LAMA3: variants seen among roughly 807,000 people sequenced by gnomAD.
LAMA3 encodes the protein laminin subunit alpha 3.
A neutral mutation model predicts 402.0 loss-of-function variants in LAMA3; 281 were observed. The ratio of observed to expected loss-of-function variants is 0.70; its 90% CI spans 0.63 to 0.77. LAMA3 has a LOEUF of 0.77. Among genes scored for constraint, LAMA3 ranks in the 30% least tolerant of loss-of-function variants. LAMA3 has a pLI of 0.00. For synonymous variants in LAMA3, 1,431 were observed against 1,558.4 expected, an observed-to-expected ratio of 0.92 and a Z score of 1.93; for missense variants, 3,840 against 4,215.5, an observed-to-expected ratio of 0.91 and a Z score of 2.47.
chr18:23,826,726 G>GACTA lies in LAMA3; in HGVS notation c.2597_2600dup (p.Tyr867Ter), dbSNP rs1568226128. On this transcript the variant is annotated stop_gained and frameshift_variant, in exon 22 of 75. Transcript: ENST00000313654. LOFTEE classifies it high-confidence loss of function. Reference sequence around the variant, plus strand: ...GGATTACCTGGTGCTGCTCCCCAGGGACTACTATGAAGCCTCTGTACTGCA... The same window carrying GACTA: ...GGATTACCTGGTGCTGCTCCCCAGGGACTAACTACTATGAAGCCTCTGTACTGCA... 6.4e-7 allele frequency: 1 copy of GACTA among 1,562,726 alleles called. No individual in the cohort carries two copies. The highest frequency in any genetic ancestry group is 8.7e-7 in the Non-Finnish European group (1 of 1,151,964).
chr18:23,920,850 G>T (rs1049368562), intron 60 of LAMA3, 85 bp from the exon 61 acceptor site: 10 of 1,516,806 alleles, frequency 6.6e-6, no homozygotes, highest in Middle Eastern at 3.5e-4. Context: ...AGAGCAGGGG[G>T]GTCTGTGAGA....
chr18:23,773,359 C>CT, intron 8 of LAMA3, 138 bp from the exon 9 acceptor site: 1 of 730,810 alleles, frequency 1.4e-6, no homozygotes, highest in Non-Finnish European at 2.4e-6. Context: ...AAGATTAATG[C>CT]TTTTTTAAAT....
intron 6 of LAMA3, among the ~76,000 whole-genome samples, chr18:23,755,866 T>C (rs2061833412): frequency 6.6e-6 from 1 of 152,190 alleles, no homozygotes; most frequent in African/African-American, 2.4e-5. Context: ...TTAAATAACA[T>C]ATTTACAGCA....
At chr18:23,927,596 T>C (rs919297288) in intron 62 of LAMA3, among the ~76,000 whole-genome samples, 10 of 152,306 alleles carry the variant, frequency 6.6e-5, no homozygotes, top group Middle Eastern at 3.4e-3. Flanking sequence ...AAGCTACGTT[T>C]TTCATAATTG....
chr18:23,900,224 C>T (rs557102334), intron 47 of LAMA3, among the ~76,000 whole-genome samples: 8 of 152,228 alleles, frequency 5.3e-5, no homozygotes, highest in Admixed American at 5.2e-4. Flanking sequence ...GTGCCTGCCA[C>T]CATGCCTGGC....
chr18:23,795,026 G>A (rs1388649890), intron 12 of LAMA3, among the ~76,000 whole-genome samples: 1 of 152,062 alleles, frequency 6.6e-6, no homozygotes, highest in African/African-American at 2.4e-5. Flanking sequence ...CTGGAGCAAA[G>A]GTAAAAACCA....
At chr18:23,869,969 T>G (rs953581685) in intron 37 of LAMA3, among the ~76,000 whole-genome samples, 4 of 151,328 alleles carry the variant, frequency 2.6e-5, no homozygotes, top group African/African-American at 7.3e-5. Context: ...GAGACCAGCC[T>G]GGCTAACATG....
At chr18:23,914,639 TG>T (rs1171393461) in intron 57 of LAMA3, 58 bp from the exon 58 acceptor site, 2 of 1,600,838 alleles carry the variant, frequency 1.2e-6, no homozygotes, top group East Asian at 2.3e-5. Context: ...TTTAGTGGCT[TG>T]GCTTTGAATT....
intron 5 of LAMA3, among the ~76,000 whole-genome samples, chr18:23,753,161 G>T (rs1261774458): frequency 6.6e-6 from 1 of 152,206 alleles, no homozygotes; most frequent in Non-Finnish European, 1.5e-5. Context: ...TCTGGAGCTT[G>T]AAACTTTGAC....
intron 2 of LAMA3, among the ~76,000 whole-genome samples, chr18:23,716,084 C>T (rs1410678980): frequency 1.3e-5 from 2 of 152,142 alleles, no homozygotes; most frequent in Non-Finnish European, 2.9e-5. Context: ...ATAAGTTAGT[C>T]TTATCCCTCT....
chr18:23,805,628 A>G (rs2062948533), intron 12 of LAMA3, among the ~76,000 whole-genome samples: 1 of 152,186 alleles, frequency 6.6e-6, no homozygotes, highest in South Asian at 2.1e-4. Context: ...CCTGAGTTAA[A>G]GCTTCATTGA....
At chr18:23,744,553 C>G (rs571953366) in intron 2 of LAMA3, among the ~76,000 whole-genome samples, 1 of 151,922 alleles carries the variant, frequency 6.6e-6, no homozygotes, top group African/African-American at 2.4e-5. Flanking sequence ...AGAATCTGGC[C>G]GGGCACGGTG....
chr18:23,900,958 A>G (rs906276213), intron 47 of LAMA3, among the ~76,000 whole-genome samples, 169 bp from the exon 48 acceptor site: 11 of 152,216 alleles, frequency 7.2e-5, no homozygotes, highest in Admixed American at 5.9e-4. Context: ...GGCAACATGT[A>G]CAGTGCACAT....
At position 23,915,383 on chromosome 18, in the gene LAMA3, C is replaced by A. The variant is rs61751705; in HGVS notation, c.7739C>A (p.Thr2580Lys). 1,779 of 1,613,510 alleles carry A rather than the reference C, an allele frequency of 1.1e-3. 2 individuals carry two copies. Among genetic ancestry groups the A allele is most frequent in the Non-Finnish European group, 1.4e-3 (1,602 of 1,179,638 alleles). Residue 2580 changes from threonine to lysine, a missense_variant, in exon 59 of 75, where the codon ACA becomes AAA. Transcript: ENST00000313654. ...CTGAGCTTGTACAACTTCAAAAAAA[C>A]ATTCAATCTCAACACAACTGAAGTG... ...NVLSLYNFKK[T>K]FNLNTTEVEP...
chr18:23,803,916 G>A (rs1025513449), intron 12 of LAMA3, among the ~76,000 whole-genome samples: 14 of 152,184 alleles, frequency 9.2e-5, no homozygotes, highest in African/African-American at 2.7e-4. Context: ...GGAGTGTGGC[G>A]TTCTTTGCAT....
Position 23,857,912 on chromosome 18 carries a change from G to A in LAMA3, c.4205G>A (p.Cys1402Tyr), listed in dbSNP as rs2064121646. Residue 1402 changes from cysteine to tyrosine, a missense_variant, in exon 33 of 75, where the codon TGT becomes TAT. Cys to Tyr is a radical substitution (Grantham distance 194). Transcript: ENST00000313654. ...TCCGGGTTTTACCGCTTTCCTGAGTGTGTTCCCTGCAATTGCAACAGAGAT... is the reference window on the plus strand; with the variant it reads ...TCCGGGTTTTACCGCTTTCCTGAGTATGTTCCCTGCAATTGCAACAGAGAT... ...CASGFYRFPE[C>Y]VPCNCNRDGT... is the part of the protein sequence containing the mutation. 1 of 1,614,234 alleles carries A rather than the reference G, an allele frequency of 6.2e-7. No individual in the cohort carries two copies. The highest frequency in any genetic ancestry group is 1.7e-5 in the Admixed American group (1 of 60,028).
Position 23,749,495 on chromosome 18 carries a change from T to A in LAMA3, c.633T>A (p.Asp211Glu). 2 of 1,613,380 alleles carry A rather than the reference T, an allele frequency of 1.2e-6. No homozygotes were observed. ...EANMAVTRDD[D>E]VLCVTEYSRI... Reference sequence around the variant, plus strand: ...ATATGGCTGTCACCCGGGATGATGATGTACTTTGTGTTACTGAATATTCCC... The same window carrying A: ...ATATGGCTGTCACCCGGGATGATGAAGTACTTTGTGTTACTGAATATTCCC... Residue 211 changes from aspartate (D) to glutamate (E), a missense_variant, in exon 4 of 75, where the codon GAT (aspartate) becomes GAA (glutamate). Transcript: ENST00000313654.
intron 6 of LAMA3, among the ~76,000 whole-genome samples, chr18:23,756,559 G>A (rs1369674344): frequency 6.6e-6 from 1 of 150,766 alleles, no homozygotes; most frequent in African/African-American, 2.4e-5. Flanking sequence ...AAGCATCTTG[G>A]TTTAGATTTA....
intron 35 of LAMA3, among the ~76,000 whole-genome samples, chr18:23,862,769 T>C (rs1234348128): frequency 6.6e-6 from 1 of 151,940 alleles, no homozygotes; most frequent in Non-Finnish European, 1.5e-5. Context: ...TGGCCCAGAG[T>C]CTTCCTAGGT....
Sources: allele counts gnomAD v4.1 joint callset (sites outside exome capture counted in the v4.1 genomes callset), GRCh38; gene constraint gnomAD v4.1.1; transcripts MANE v1.5; gene names NCBI Gene and HGNC (gene_info 2026-07-23, HGNC 2026-07-21).